The following GOLGA8B variants were observed in gnomAD, a reference collection of about 807,000 sequenced individuals.
GOLGA8B encodes golgin subfamily A member 8B.
GOLGA8B carries 1 observed loss-of-function variant against 15.6 expected under a neutral mutation model. The ratio of observed to expected loss-of-function variants is 0.06; its 90% CI spans 0.02 to 0.30. The LOEUF is 0.30. GOLGA8B is among the 10% of genes least tolerant of loss of function. GOLGA8B has a pLI of 1.00. For synonymous variants in GOLGA8B, 9 were observed against 80.3 expected, an observed-to-expected ratio of 0.11 and a Z score of 4.75; for missense variants, 17 against 201.3, an observed-to-expected ratio of 0.08 and a Z score of 5.54.
Position 34,526,416 on chromosome 15 carries a change from C to T in GOLGA8B, c.*1216G>A, listed in dbSNP as rs1479623483. Reference sequence around the variant, plus strand: ...CCACTCAAGGAAAAGAAGTAAATTCCTATGTCAGAGTAACCGAGGTGGTTG... The same window carrying T: ...CCACTCAAGGAAAAGAAGTAAATTCTTATGTCAGAGTAACCGAGGTGGTTG... On this transcript the variant is annotated 3_prime_UTR_variant, in exon 24 of 24. Coordinates refer to ENST00000683415, the MANE Select transcript of GOLGA8B (RefSeq NM_001023567.5). 3 of 148,720 alleles carry T rather than the reference C, an allele frequency of 2.0e-5. 1 individual carries two copies. The highest frequency in any genetic ancestry group is 4.5e-5 in the Non-Finnish European group (3 of 67,102). The allele number at this position is 148,720 out of a possible 1,614,324, so 9.2% of individuals were successfully genotyped here.
chr15:34,583,286 T>C (rs1205020715), intron 1 of GOLGA8B, among the ~76,000 whole-genome samples: 1 of 151,564 alleles, frequency 6.6e-6, no homozygotes, highest in Non-Finnish European at 1.5e-5. Flanking sequence ...CCCGCCCGCC[T>C]GTCGTGGGAG....
At chr15:34,542,488 AACTT>A (rs1888222322) in intron 7 of GOLGA8B, among the ~76,000 whole-genome samples, 1 of 131,934 alleles carries the variant, frequency 7.6e-6, no homozygotes, top group African/African-American at 3.0e-5. Context: ...CATTCTGTGT[AACTT>A]ACTTATGGTA....
At chr15:34,578,065 TCTC>T (rs1401290824) in intron 1 of GOLGA8B, among the ~76,000 whole-genome samples, 2 of 152,194 alleles carry the variant, frequency 1.3e-5, no homozygotes, top group African/African-American at 4.8e-5. Context: ...TACATATGTA[TCTC>T]AACTGAAAAT....
At position 34,576,235 on chromosome 15, in the gene GOLGA8B, T is replaced by C. The variant is rs986339889; in HGVS notation, c.-1123+7281A>G. Among the ~76,000 whole-genome samples, 9 of 152,216 alleles carry C rather than the reference T, an allele frequency of 5.9e-5. 1 individual carries two copies. Among genetic ancestry groups the C allele is most frequent in the South Asian group, 4.2e-4 (2 of 4,818 alleles). ...CCCCACGGCAGCTCCCCAAATGAAG[T>C]CAAGACAAGTTGGAGATGAGGCTGC... On this transcript the variant is annotated intron_variant, in intron 1 of 23. Coordinates refer to ENST00000683415, the MANE Select transcript of GOLGA8B (RefSeq NM_001023567.5).
chr15:34,580,504 C>T (rs1341906501), intron 1 of GOLGA8B, among the ~76,000 whole-genome samples: 2 of 152,040 alleles, frequency 1.3e-5, no homozygotes, highest in Non-Finnish European at 2.9e-5. Flanking sequence ...GAGAGCCTGG[C>T]TGCACGACCT....
intron 1 of GOLGA8B, chr15:34,574,995 G>C (rs1418833366): frequency 6.6e-6 from 1 of 151,670 alleles, no homozygotes; most frequent in East Asian, 1.9e-4. Flanking sequence ...TGTCTCCCCA[G>C]ACCCCACCCT....
rs1340153090 is a variant in GOLGA8B, at chr15:34,566,309, C to T, written c.-1122-12353G>A. ...GTATTTAATGCCACAGAATCATACA[C>T]GTAGAAGTATTTCAGATGGTAAATT... On this transcript the variant is annotated intron_variant, in intron 1 of 23. Coordinates refer to ENST00000683415, the MANE Select transcript of GOLGA8B (RefSeq NM_001023567.5). 35 of 142,086 alleles carry T rather than the reference C, an allele frequency of 2.5e-4. 2 individuals carry two copies. Among genetic ancestry groups the T allele is most frequent in the African/African-American group, 8.0e-4 (32 of 39,798 alleles). 8.8% of individuals were successfully genotyped at this position (142,086 alleles called of 1,614,324 possible). A position where few individuals can be genotyped will look rare whatever the true frequency, so the allele number is the denominator to read the frequency against.
intron 1 of GOLGA8B, among the ~76,000 whole-genome samples, chr15:34,577,906 T>C (rs1187567766): frequency 2.6e-5 from 4 of 152,224 alleles, no homozygotes; most frequent in Admixed American, 2.0e-4. Context: ...ACAGTTAGGC[T>C]ACATTTTTTT....
At chr15:34,571,684 G>A (rs1888918014) in intron 1 of GOLGA8B, among the ~76,000 whole-genome samples, 1 of 151,440 alleles carries the variant, frequency 6.6e-6, no homozygotes, top group African/African-American at 2.4e-5. Context: ...AAGAAGAGAT[G>A]TAAATGTAAA....
intron 1 of GOLGA8B, among the ~76,000 whole-genome samples, chr15:34,575,106 T>A (rs1206842145): frequency 5.1e-5 from 7 of 138,364 alleles, no homozygotes; most frequent in Admixed American, 7.3e-5. Context: ...TAAATCCTTG[T>A]AAAAAAAAAA....
At chr15:34,576,332 C>G (rs1452048495) in intron 1 of GOLGA8B, among the ~76,000 whole-genome samples, 1 of 152,170 alleles carries the variant, frequency 6.6e-6, no homozygotes, top group African/African-American at 2.4e-5. Flanking sequence ...CGCCTGTGAT[C>G]AAGAAGAAAA....
At chr15:34,566,932 C>A (rs1416275568) in intron 1 of GOLGA8B, among the ~76,000 whole-genome samples, 1 of 117,536 alleles carries the variant, frequency 8.5e-6, no homozygotes, top group African/African-American at 3.4e-5. Flanking sequence ...TCGGCGGCCA[C>A]TCCCCTGAGG....
chr15:34,560,037 C>T (rs1245116709), intron 1 of GOLGA8B, among the ~76,000 whole-genome samples: 1 of 149,180 alleles, frequency 6.7e-6, no homozygotes, highest in African/African-American at 2.5e-5. Context: ...ACAACCACAT[C>T]CTGAGTGGGA....
At chr15:34,579,609 G>C (rs1456883572) in intron 1 of GOLGA8B, among the ~76,000 whole-genome samples, 2 of 152,218 alleles carry the variant, frequency 1.3e-5, no homozygotes, top group Non-Finnish European at 2.9e-5. Flanking sequence ...ATGTGAAACT[G>C]ACGTTGCACA....
intron 7 of GOLGA8B, among the ~76,000 whole-genome samples, chr15:34,538,808 TCAAA>T (rs1467706031): frequency 5.9e-5 from 4 of 67,352 alleles, no homozygotes; most frequent in Admixed American, 4.6e-4. Context: ...CAAGCTAAGG[TCAAA>T]CAGTGACCTT....
At position 34,546,954 on chromosome 15, in the gene GOLGA8B, G is replaced by A. The variant is rs1888304405; in HGVS notation, c.-546C>T. On this transcript the variant is annotated 5_prime_UTR_variant, in exon 5 of 24. Coordinates refer to ENST00000683415, the MANE Select transcript of GOLGA8B (RefSeq NM_001023567.5). ...ACATACCGGATTCATACTTCAGGAA[G>A]ACAACCCAGTTGACAACGACAACAG... The A allele has an allele frequency of 1.9e-5, 2 of 104,618 alleles. 1 individual carries two copies. Among genetic ancestry groups the A allele is most frequent in the African/African-American group, 9.1e-5 (2 of 21,956 alleles). The allele number at this position is 104,618 out of a possible 1,614,324, so 6.5% of individuals were successfully genotyped here.
rs1168586995 is a variant in GOLGA8B, at chr15:34,526,332, A to G, written c.*1300T>C. The stretch of plus-strand genomic sequence containing the variant: ...ACTAAAATTCCTTTTTGTTTCAACT[A>G]AGTACTCTCACATATATTAGTTTAT... On this transcript the variant is annotated 3_prime_UTR_variant, in exon 24 of 24. Coordinates refer to ENST00000683415, the MANE Select transcript of GOLGA8B (RefSeq NM_001023567.5). The G allele has an allele frequency of 2.7e-5, 4 of 149,798 alleles. No homozygotes were observed. The East Asian group carries it at 7.8e-4, about 29-fold the overall frequency. 9.3% of individuals were successfully genotyped at this position (149,798 alleles called of 1,614,324 possible).
At chr15:34,575,978 G>A (rs1272613410) in intron 1 of GOLGA8B, among the ~76,000 whole-genome samples, 1 of 152,256 alleles carries the variant, frequency 6.6e-6, no homozygotes, top group Non-Finnish European at 1.5e-5. Flanking sequence ...GGTAAGAAAA[G>A]TGAAGGGTAC....
At chr15:34,569,708 G>A (rs199972739) in intron 1 of GOLGA8B, among the ~76,000 whole-genome samples, 8,360 of 144,152 alleles carry the variant, frequency 0.058, no homozygotes, top group South Asian at 0.16. Context: ...GGAAACTAGT[G>A]TAAAAAGTCT....
Sources: allele counts gnomAD v4.1 joint callset (sites outside exome capture counted in the v4.1 genomes callset), GRCh38; gene constraint gnomAD v4.1.1; transcripts MANE v1.5; gene names NCBI Gene and HGNC (gene_info 2026-07-23, HGNC 2026-07-21).